Variants in PHYHIPL observed in about 807,000 individuals in gnomAD.
PHYHIPL encodes the protein phytanoyl-CoA hydroxylase-interacting protein-like.
In PHYHIPL, 9 loss-of-function variants were observed where a neutral mutation model predicts 33.4. The ratio of observed to expected loss-of-function variants is 0.27; its 90% CI spans 0.16 to 0.47. PHYHIPL has a LOEUF of 0.47. Ranked by LOEUF, PHYHIPL falls within the 20% of genes least tolerant of loss-of-function variation. The probability of loss-of-function intolerance (pLI) is 0.99; values close to 1 mark genes in which losing one functional copy is unlikely to be tolerated. For missense variants in PHYHIPL, 365 were observed against 460.7 expected (o/e 0.79, Z 1.90); for synonymous variants, 153 against 154.1 (o/e 0.99, Z 0.05).
intron 1 of PHYHIPL, among the ~76,000 whole-genome samples, chr10:59,209,478 CA>C (rs1198074712): frequency 2.6e-5 from 4 of 152,140 alleles, no homozygotes; most frequent in African/African-American, 9.7e-5. Context: ...AAAAACATGC[CA>C]AATTGTAAAG....
intron 1 of PHYHIPL, among the ~76,000 whole-genome samples, chr10:59,213,446 AT>A (rs1276762118): frequency 6.6e-6 from 1 of 152,204 alleles, no homozygotes; most frequent in African/African-American, 2.4e-5. Context: ...TTATAAAAAA[AT>A]AATATTTAAA....
At chr10:59,182,323 A>G in intron 1 of PHYHIPL, among the ~76,000 whole-genome samples, 1 of 152,238 alleles carries the variant, frequency 6.6e-6, no homozygotes, top group South Asian at 2.1e-4. Context: ...CCTCCTTTTT[A>G]AACTTTAAAA....
At chr10:59,229,762 C>T (rs940583380) in intron 1 of PHYHIPL, among the ~76,000 whole-genome samples, 7 of 152,098 alleles carry the variant, frequency 4.6e-5, no homozygotes, top group African/African-American at 1.4e-4. Flanking sequence ...TCAGCATTTG[C>T]GTTACTTGAA....
Position 59,245,478 on chromosome 10 carries a change from C to A in PHYHIPL, c.1018C>A (p.Leu340Ile). ...AGTCATTTACACTGACCCTGTGGATCTTTCTGTGGGCACCGTGGCAGAAAT... is the reference window on the plus strand; with the variant it reads ...AGTCATTTACACTGACCCTGTGGATATTTCTGTGGGCACCGTGGCAGAAAT... The part of the protein sequence containing the change: ...LEVIYTDPVD[L>I]SVGTVAEITG... Residue 340 changes from leucine to isoleucine, a missense_variant, in exon 5 of 5, where the codon CTT becomes ATT. Coordinates refer to ENST00000373880, the MANE Select transcript of PHYHIPL (RefSeq NM_032439.4). 6.2e-7 allele frequency: 1 copy of A among 1,614,136 alleles called. No individual in the cohort carries two copies. Among genetic ancestry groups the A allele is most frequent in the Non-Finnish European group, 8.5e-7 (1 of 1,180,020 alleles).
intron 1 of PHYHIPL, among the ~76,000 whole-genome samples, chr10:59,184,861 C>T (rs1838526934): frequency 6.8e-6 from 1 of 146,300 alleles, no homozygotes; most frequent in East Asian, 2.1e-4. Flanking sequence ...CATGTGTTCT[C>T]ATGGTTTAAT....
intron 1 of PHYHIPL, among the ~76,000 whole-genome samples, chr10:59,204,173 C>T (rs1171892970): frequency 6.6e-6 from 1 of 152,156 alleles, no homozygotes; most frequent in Non-Finnish European, 1.5e-5. Flanking sequence ...ATAAGTAAAA[C>T]AAACAAAGTA....
intron 1 of PHYHIPL, among the ~76,000 whole-genome samples, chr10:59,206,127 C>G (rs1839277487): frequency 6.6e-6 from 1 of 152,152 alleles, no homozygotes; most frequent in African/African-American, 2.4e-5. Context: ...ATGAATCTAT[C>G]CCTTATTTTC....
chr10:59,204,148 A>G (rs1839217575), intron 1 of PHYHIPL, among the ~76,000 whole-genome samples: 1 of 152,218 alleles, frequency 6.6e-6, no homozygotes, highest in Non-Finnish European at 1.5e-5. Flanking sequence ...TGAAAACTTT[A>G]TATAAAGAAC....
chr10:59,177,622 C>T, intron 1 of PHYHIPL: 3 of 1,551,470 alleles, frequency 1.9e-6, no homozygotes, highest in Non-Finnish European at 2.6e-6. Context: ...GTGGCGAGTA[C>T]GTACCATTGC....
At position 59,245,116 on chromosome 10, in the gene PHYHIPL, C is replaced by G. The variant is rs1216739930; in HGVS notation, c.656C>G (p.Ser219Cys). ...SVKDNSGSHG[S>C]PISGKLEGIF... Reference sequence around the variant, plus strand: ...AAGGATAACAGTGGTAGCCATGGCTCTCCTATCAGTGGAAAATTAGAAGGC... The same window carrying G: ...AAGGATAACAGTGGTAGCCATGGCTGTCCTATCAGTGGAAAATTAGAAGGC... The change falls in exon 5 of 5, where the codon TCT becomes TGT. Residue 219 changes from serine to cysteine, a missense_variant. Ser to Cys is a moderately radical substitution (Grantham distance 112). This residue lies in a region of PHYHIPL where 196 missense variants were observed against 224.9 expected (regional missense o/e 0.87). Coordinates refer to ENST00000373880, the MANE Select transcript of PHYHIPL (RefSeq NM_032439.4). The G allele has an allele frequency of 6.2e-7, 1 of 1,614,032 alleles. No individual in the cohort carries two copies. The highest frequency in any genetic ancestry group is 1.7e-5 in the Admixed American group (1 of 60,016).
At chr10:59,237,305 A>G (rs1480457498) in intron 3 of PHYHIPL, among the ~76,000 whole-genome samples, 2 of 151,986 alleles carry the variant, frequency 1.3e-5, no homozygotes, top group Non-Finnish European at 2.9e-5. Context: ...TCACTCATAT[A>G]TTTATTGTTT....
At chr10:59,174,089 A>G (rs528251216), upstream of PHYHIPL, among the ~76,000 whole-genome samples, 10 of 151,752 alleles carry the variant, frequency 6.6e-5, no homozygotes, top group African/African-American at 2.4e-4. Context: ...GCTCAGCCTG[A>G]TATCTTCCCA....
At chr10:59,228,653 T>C (rs536124144) in intron 1 of PHYHIPL, among the ~76,000 whole-genome samples, 1 of 152,292 alleles carries the variant, frequency 6.6e-6, no homozygotes, top group African/African-American at 2.4e-5. Context: ...ATCTATTCTT[T>C]GTTAGAGGCT....
intron 1 of PHYHIPL, among the ~76,000 whole-genome samples, chr10:59,231,365 G>A (rs369783714): frequency 1.1e-3 from 161 of 152,056 alleles, no homozygotes; most frequent in African/African-American, 3.7e-3. Flanking sequence ...TACCTAAAAC[G>A]TGGTGATTCA....
intron 1 of PHYHIPL, among the ~76,000 whole-genome samples, chr10:59,201,288 T>A (rs1433099041): frequency 6.6e-6 from 1 of 152,218 alleles, no homozygotes; most frequent in African/African-American, 2.4e-5. Flanking sequence ...AAAGAACATC[T>A]TTATTTCTGC....
chr10:59,178,346 T>C (rs1039695233), intron 1 of PHYHIPL, among the ~76,000 whole-genome samples: 2 of 152,142 alleles, frequency 1.3e-5, no homozygotes, highest in Non-Finnish European at 2.9e-5. Flanking sequence ...ACCATGGTAG[T>C]AAGTGCACAT....
At chr10:59,242,967 G>A (rs999453044) in intron 4 of PHYHIPL, among the ~76,000 whole-genome samples, 5 of 152,082 alleles carry the variant, frequency 3.3e-5, no homozygotes, top group Admixed American at 2.6e-4. Flanking sequence ...AAGACAAAGA[G>A]GGTGGGGCTG....
chr10:59,226,168 A>G (rs1016604218), intron 1 of PHYHIPL, among the ~76,000 whole-genome samples: 4 of 152,180 alleles, frequency 2.6e-5, no homozygotes, highest in African/African-American at 7.2e-5. Flanking sequence ...TAGAAAATTA[A>G]TAATGTTATA....
chr10:59,191,841 T>C (rs1335663916), intron 1 of PHYHIPL, among the ~76,000 whole-genome samples: 1 of 152,076 alleles, frequency 6.6e-6, no homozygotes, highest in Non-Finnish European at 1.5e-5. Context: ...TTAGAGATAA[T>C]TATTTCATTT....
Sources: gnomAD v4.1 joint callset for allele counts (sites outside exome capture counted in the v4.1 genomes callset) on GRCh38, gnomAD v4.1.1 for gene constraint, gnomAD v4.1.1 regional missense constraint, MANE v1.5 for transcripts, NCBI Gene and HGNC (gene_info 2026-07-23, HGNC 2026-07-21) for gene names.